Variants in OBI1 observed in about 807,000 individuals in gnomAD.
OBI1 encodes ORC ubiquitin ligase 1.
In OBI1, 59 loss-of-function variants were observed where a neutral mutation model predicts 62.4. The observed-to-expected ratio is 0.95, with a 90% confidence interval of 0.77 to 1.17. OBI1 has a LOEUF of 1.17. OBI1 is among the 50% of genes most tolerant of loss of function. The pLI is 0.00. For synonymous variants in OBI1, 302 were observed against 292.8 expected (o/e 1.03, Z -0.32); for missense variants, 875 against 830.9 (o/e 1.05, Z -0.65).
intron 4 of OBI1, among the ~76,000 whole-genome samples, chr13:78,638,406 A>G (rs1876091823): frequency 6.6e-6 from 1 of 152,220 alleles, no homozygotes; most frequent in African/African-American, 2.4e-5. Context: ...GTAGCAAAAG[A>G]AAAGATAAGG....
chr13:78,637,579 CAAG>C (rs1365221124), intron 4 of OBI1, among the ~76,000 whole-genome samples: 1 of 152,144 alleles, frequency 6.6e-6, no homozygotes, highest in Non-Finnish European at 1.5e-5. Context: ...ACCAATGGCT[CAAG>C]AAGAACCAGG....
chr13:78,617,135 G>C lies in OBI1; in HGVS notation c.639-13C>G, dbSNP rs1452556588. On this transcript the variant is annotated splice_polypyrimidine_tract_variant and intron_variant, in intron 5 of 5. Transcript: ENST00000282003. ...AAACCTTCCAAACCTACAAAGAATGGAAAGATAGTTAATCTTATAACTCAA... is the reference window on the plus strand; with the variant it reads ...AAACCTTCCAAACCTACAAAGAATGCAAAGATAGTTAATCTTATAACTCAA... 6.6e-7 allele frequency: 1 copy of C among 1,521,106 alleles called. No individual in the cohort carries two copies. Among genetic ancestry groups the C allele is most frequent in the Non-Finnish European group, 8.8e-7 (1 of 1,136,118 alleles). 94.2% of individuals were successfully genotyped at this position (1,521,106 alleles called of 1,614,324 possible). A position where few individuals can be genotyped will look rare whatever the true frequency, so the allele number is the denominator to read the frequency against.
Position 78,615,879 on chromosome 13 carries a change from G to A in OBI1, c.1882C>T (p.Leu628Phe), listed in dbSNP as rs1306949785. The A allele has an allele frequency of 3.1e-6, 5 of 1,614,000 alleles. No individual in the cohort carries two copies. Among genetic ancestry groups the A allele is most frequent in the African/African-American group, 1.3e-5 (1 of 74,916 alleles). Reference protein sequence around the residue: ...SDQEMNEDFSLHSSSCPVTNE... With the variant: ...SDQEMNEDFSFHSSSCPVTNE... ...GTTACTGGACAAGAACTGGAATGGAGTGAAAAATCTTCATTCATTTCTTGG... is the reference window on the plus strand; with the variant it reads ...GTTACTGGACAAGAACTGGAATGGAATGAAAAATCTTCATTCATTTCTTGG... The change falls in exon 6 of 6, where the codon CTC (leucine) becomes TTC (phenylalanine). Residue 628 changes from leucine to phenylalanine, a missense_variant. By Grantham distance (22) the Leu-to-Phe change is conservative (BLOSUM62 0). Transcript: ENST00000282003.
chr13:78,616,172 A>G lies in OBI1; in HGVS notation c.1589T>C (p.Met530Thr). Residue 530 changes from methionine (M) to threonine (T), a missense_variant, in exon 6 of 6, where the codon ATG (methionine) becomes ACG (threonine). Met to Thr is a moderately conservative substitution (Grantham distance 81). Coordinates refer to ENST00000282003, the MANE Select transcript of OBI1 (RefSeq NM_024546.4). The part of the protein sequence containing the change: ...NRTRTSSEAS[M>T]DAAYLDKISE... ...GATTTTGTCAAGGTAAGCAGCATCC[A>G]TCGATGCTTCACTGGATGTTCTTGT... 2 of 1,614,132 alleles carry G rather than the reference A, an allele frequency of 1.2e-6. No homozygotes were observed. The highest frequency in any genetic ancestry group is 1.7e-6 in the Non-Finnish European group (2 of 1,179,982).
Position 78,616,302 on chromosome 13 carries a change from T to C in OBI1, c.1459A>G (p.Thr487Ala). ...ATTTCTCCAACAGAATTTGCTATCG[T>C]GTTCCCCTCTGAACTTTCAAAATCT... The part of the protein sequence containing the change: ...NLDFESSEGN[T>A]IANSVGEISS... Residue 487 changes from threonine (T) to alanine (A), a missense_variant, in exon 6 of 6, where the codon ACG (threonine) becomes GCG (alanine). Physicochemically the swap from Thr to Ala is moderately conservative, Grantham distance 58 (BLOSUM62 0). Coordinates refer to ENST00000282003, the MANE Select transcript of OBI1 (RefSeq NM_024546.4). 1 of 1,614,138 alleles carries C rather than the reference T, an allele frequency of 6.2e-7. No individual in the cohort carries two copies. The highest frequency in any genetic ancestry group is 8.5e-7 in the Non-Finnish European group (1 of 1,179,970).
At position 78,639,056 on chromosome 13, in the gene OBI1, A is replaced by T; in HGVS notation, c.316T>A (p.Leu106Ile). ...TTAAGCTCTTCTACTTCTTTCTGTA[A>T]ACAATCTATTTCGTCCTGAAAAAGC... ...HKEYEDEIDC[L>I]QKEVEELKSK... The change falls in exon 4 of 6, where the codon TTA becomes ATA. Residue 106 changes from leucine to isoleucine, a missense_variant. Leu to Ile is a conservative substitution (Grantham distance 5). Transcript: ENST00000282003. 1.2e-6 allele frequency: 2 copies of T among 1,612,984 alleles called. No homozygotes were observed. The highest frequency in any genetic ancestry group is 1.7e-6 in the Non-Finnish European group (2 of 1,179,656).
chr13:78,616,053 A>G lies in OBI1; in HGVS notation c.1708T>C (p.Ser570Pro). The change falls in exon 6 of 6, where the codon TCA becomes CCA. Residue 570 changes from serine to proline, a missense_variant. Transcript: ENST00000282003. ...TCAAGAAATTCACTGCCTTGAGATG[A>G]CTTTGATAACCCATCCAAATCCAGT... is the stretch of plus-strand genomic sequence containing the variant. ...KSLDLDGLSK[S>P]SQGSEFLEEP... is the part of the protein sequence containing the mutation. The G allele has an allele frequency of 6.2e-7, 1 of 1,614,104 alleles. No homozygotes were observed. The highest frequency in any genetic ancestry group is 8.5e-7 in the Non-Finnish European group (1 of 1,179,992).
intron 1 of OBI1, among the ~76,000 whole-genome samples, chr13:78,652,601 T>G (rs997846745): frequency 1.3e-5 from 2 of 152,190 alleles, no homozygotes; most frequent in African/African-American, 4.8e-5. Flanking sequence ...CCAACCTTTT[T>G]GGCACTAGGG....
intron 5 of OBI1, 83 bp from the exon 6 acceptor site, chr13:78,617,205 A>G: frequency 4.6e-6 from 5 of 1,082,470 alleles, no homozygotes; most frequent in Non-Finnish European, 6.5e-6. Flanking sequence ...GTCCCAGGCT[A>G]TTCTAATTTC....
chr13:78,634,087 CAAAAAACAAAA>C (rs200483960), intron 5 of OBI1, among the ~76,000 whole-genome samples: 13,925 of 122,092 alleles, frequency 0.11, 735 homozygotes, highest in Middle Eastern at 0.19. Flanking sequence ...AAACAAAAAA[CAAAAAACAAAA>C]AAAAAAAACA....
At chr13:78,644,062 A>G (rs1876307174) in intron 2 of OBI1, among the ~76,000 whole-genome samples, 1 of 151,802 alleles carries the variant, frequency 6.6e-6, no homozygotes, top group Non-Finnish European at 1.5e-5. Flanking sequence ...CCCCCACCCC[A>G]CCAATATTAA....
chr13:78,620,995 C>G (rs1053281978), intron 5 of OBI1, among the ~76,000 whole-genome samples: 2 of 152,172 alleles, frequency 1.3e-5, no homozygotes, highest in African/African-American at 4.8e-5. Flanking sequence ...TGCCAAAATT[C>G]AGAAATGCCT....
intron 4 of OBI1, 151 bp from the exon 5 acceptor site, chr13:78,635,349 G>A: frequency 1.7e-6 from 1 of 599,180 alleles, no homozygotes; most frequent in Non-Finnish European, 3.0e-6. Flanking sequence ...ATCACTACTG[G>A]GAATGACTTC....
chr13:78,639,555 C>T (rs7324803), intron 3 of OBI1, among the ~76,000 whole-genome samples: 1,772 of 148,976 alleles, frequency 0.012, 42 homozygotes, highest in African/African-American at 0.043. Flanking sequence ...ATGTTTATTG[C>T]GGCATTATTC....
intron 5 of OBI1, among the ~76,000 whole-genome samples, chr13:78,618,330 T>C (rs556685582): frequency 2.6e-5 from 4 of 152,216 alleles, no homozygotes; most frequent in Non-Finnish European, 2.9e-5. Flanking sequence ...TGGGTTTATC[T>C]TTTTCTTCCT....
chr13:78,641,851 A>G (rs1955077642), intron 3 of OBI1, among the ~76,000 whole-genome samples: 1 of 151,262 alleles, frequency 6.6e-6, no homozygotes, highest in Non-Finnish European at 1.5e-5. Context: ...AAAAAAAAAG[A>G]AAGAAATGCT....
chr13:78,654,067 T>C (rs547535538), intron 1 of OBI1, among the ~76,000 whole-genome samples: 4 of 148,954 alleles, frequency 2.7e-5, no homozygotes, highest in African/African-American at 9.8e-5. Context: ...AATAAGTCAC[T>C]TAATGCCTAT....
intron 3 of OBI1, among the ~76,000 whole-genome samples, chr13:78,640,011 CA>C (rs1219360094): frequency 6.6e-6 from 1 of 151,374 alleles, no homozygotes; most frequent in African/African-American, 2.4e-5. Flanking sequence ...AAAACAAAAA[CA>C]AAAACAAAAC....
chr13:78,630,446 A>G (rs1875811556), intron 5 of OBI1, among the ~76,000 whole-genome samples: 1 of 152,120 alleles, frequency 6.6e-6, no homozygotes, highest in Non-Finnish European at 1.5e-5. Context: ...TGCATTTCCA[A>G]AAGAAAATAT....
Sources: gnomAD v4.1 joint callset for allele counts (sites outside exome capture counted in the v4.1 genomes callset) on GRCh38, gnomAD v4.1.1 for gene constraint, MANE v1.5 for transcripts, NCBI Gene and HGNC (gene_info 2026-07-23, HGNC 2026-07-21) for gene names.